CCDC12: variants seen among roughly 807,000 people sequenced by gnomAD.
CCDC12 encodes coiled-coil domain-containing protein 12.
A neutral mutation model predicts 25.7 loss-of-function variants in CCDC12; 28 were observed. That is an observed-to-expected ratio of 1.09 (90% confidence interval 0.81 to 1.50). The LOEUF is 1.50. Among genes scored for constraint, CCDC12 ranks in the 40% most tolerant of loss-of-function variants. CCDC12 has a pLI of 0.00. For synonymous variants in CCDC12, 75 were observed against 87.7 expected (o/e 0.86, Z 0.81); for missense variants, 198 against 210.0 (o/e 0.94, Z 0.35).
chr3:46,950,496 T>C (rs35211999), intron 1 of CCDC12, among the ~76,000 whole-genome samples: 2 of 149,202 alleles, frequency 1.3e-5, no homozygotes, highest in Non-Finnish European at 3.0e-5. Context: ...TTTTTTTTTT[T>C]GGGGTAGAGA....
chr3:46,939,369 G>A (rs1420450577), intron 2 of CCDC12, among the ~76,000 whole-genome samples: 8 of 151,976 alleles, frequency 5.3e-5, no homozygotes, highest in Admixed American at 4.6e-4. Flanking sequence ...GGGGAGGGGT[G>A]GGGATCAGAG....
intron 2 of CCDC12, among the ~76,000 whole-genome samples, chr3:46,928,397 T>C (rs192416322): frequency 2.3e-4 from 35 of 152,368 alleles, no homozygotes; most frequent in Admixed American, 9.1e-4. Context: ...TCTATTTACA[T>C]GCAGCAGCTG....
At chr3:46,963,452 C>T (rs1367062003) in intron 1 of CCDC12, among the ~76,000 whole-genome samples, 2 of 151,182 alleles carry the variant, frequency 1.3e-5, no homozygotes, top group Non-Finnish European at 2.9e-5. Flanking sequence ...TCTCCCTCTC[C>T]CTCTCCCACG....
chr3:46,943,135 G>C (rs1294335776), intron 1 of CCDC12, among the ~76,000 whole-genome samples: 1 of 152,150 alleles, frequency 6.6e-6, no homozygotes, highest in Non-Finnish European at 1.5e-5. Context: ...CAGATGCTTG[G>C]TGATGGCCAA....
At chr3:46,926,337 G>A (rs1403422200) in intron 2 of CCDC12, among the ~76,000 whole-genome samples, 2 of 152,334 alleles carry the variant, frequency 1.3e-5, no homozygotes, top group African/African-American at 4.8e-5. Context: ...GTGAAAATAG[G>A]CATGACCATG....
upstream of CCDC12, among the ~76,000 whole-genome samples, chr3:46,977,289 A>T (rs2035027110): frequency 6.6e-6 from 1 of 152,166 alleles, no homozygotes; most frequent in African/African-American, 2.4e-5. Flanking sequence ...CCTGGCCAAC[A>T]TGGTGAAACT....
At chr3:46,928,305 T>C (rs1437569128) in intron 2 of CCDC12, among the ~76,000 whole-genome samples, 1 of 152,128 alleles carries the variant, frequency 6.6e-6, no homozygotes, top group African/African-American at 2.4e-5. Flanking sequence ...ACAGCAAGGA[T>C]TTCAGGGGCT....
chr3:46,976,558 G>A (rs575030620), intron 1 of CCDC12, 79 bp downstream of exon 1: 3 of 1,530,766 alleles, frequency 2.0e-6, no homozygotes, highest in Non-Finnish European at 2.6e-6. Flanking sequence ...TTCCTTATTA[G>A]CCCTTTGCTC....
intron 2 of CCDC12, among the ~76,000 whole-genome samples, chr3:46,936,990 A>G (rs563859199): frequency 4.5e-4 from 68 of 152,316 alleles, no homozygotes; most frequent in South Asian, 3.7e-3. Context: ...ACTAGGGAAC[A>G]AGAGGAAGAG....
At chr3:46,926,177 C>T (rs571923700) in intron 2 of CCDC12, among the ~76,000 whole-genome samples, 3 of 152,266 alleles carry the variant, frequency 2.0e-5, no homozygotes, top group South Asian at 2.1e-4. Context: ...TCCAGAGGGG[C>T]GTGGCTGCCT....
rs2033677514 is a variant in CCDC12, at chr3:46,940,992, C to T, written c.164+6G>A. The T allele has an allele frequency of 1.2e-6, 2 of 1,613,872 alleles. No homozygotes were observed. Among genetic ancestry groups the T allele is most frequent in the African/African-American group, 2.7e-5 (2 of 75,060 alleles). ...AGCAGACCCTGGAGCTGCACACGGG[C>T]ATTACCTGTGCTTCTCGCCTTCTTC... On this transcript the variant is annotated splice_donor_region_variant and intron_variant, in intron 2 of 6. Transcript: ENST00000683445.
chr3:46,939,732 G>A (rs772948980), intron 2 of CCDC12, among the ~76,000 whole-genome samples: 1 of 152,270 alleles, frequency 6.6e-6, no homozygotes, highest in South Asian at 2.1e-4. Flanking sequence ...CCGAGTAGGG[G>A]GCATGGACTC....
intron 2 of CCDC12, among the ~76,000 whole-genome samples, chr3:46,932,465 A>G (rs2033269064): frequency 6.6e-6 from 1 of 152,188 alleles, no homozygotes; most frequent in Non-Finnish European, 1.5e-5. Flanking sequence ...GGCAGAGGAG[A>G]CTGTCCTCCA....
chr3:46,963,712 C>T (rs1328401334), intron 1 of CCDC12, among the ~76,000 whole-genome samples: 4 of 152,278 alleles, frequency 2.6e-5, no homozygotes, highest in Non-Finnish European at 4.4e-5. Context: ...CCAGCCTCGG[C>T]CTCCCGAGGT....
intron 1 of CCDC12, among the ~76,000 whole-genome samples, chr3:46,952,066 CA>C (rs2034148342): frequency 6.6e-6 from 1 of 151,688 alleles, no homozygotes; most frequent in Non-Finnish European, 1.5e-5. Flanking sequence ...ATAACCATCC[CA>C]GACATATGAT....
At chr3:46,960,153 T>C (rs1236824762) in intron 1 of CCDC12, among the ~76,000 whole-genome samples, 2 of 152,132 alleles carry the variant, frequency 1.3e-5, no homozygotes, top group Non-Finnish European at 2.9e-5. Flanking sequence ...CAGATCAGCC[T>C]TCCCACAGGG....
chr3:46,958,792 C>T (rs922299190), intron 1 of CCDC12, among the ~76,000 whole-genome samples: 42 of 152,160 alleles, frequency 2.8e-4, no homozygotes, highest in African/African-American at 9.2e-4. Context: ...ACCACAAAGG[C>T]CAGTCACTGA....
chr3:46,959,241 T>C (rs1265697582), intron 1 of CCDC12, among the ~76,000 whole-genome samples: 1 of 152,138 alleles, frequency 6.6e-6, no homozygotes, highest in Non-Finnish European at 1.5e-5. Context: ...GCTCAGCATA[T>C]GGAAAGGTTG....
rs770211597 is a variant in CCDC12, at chr3:46,923,524, TG to T, written c.306+82del. 6 of 1,481,058 alleles carry T rather than the reference TG, an allele frequency of 4.1e-6. No individual in the cohort carries two copies. The Admixed American group carries it at 9.6e-5, about 24-fold the overall frequency. The allele number at this position is 1,481,058 out of a possible 1,614,324, so 91.7% of individuals were successfully genotyped here. A position where few individuals can be genotyped will look rare whatever the true frequency, so the allele number is the denominator to read the frequency against. On this transcript the variant is annotated intron_variant, in intron 4 of 6. Coordinates refer to ENST00000683445, the MANE Select transcript of CCDC12 (RefSeq NM_001277074.2). ...GGAATAAAGAAGTGACGAGAAGGAA[TG>T]GGGGGCAGAGGGAGAGCAAGTGGCG...
Sources: allele counts gnomAD v4.1 joint callset (sites outside exome capture counted in the v4.1 genomes callset), GRCh38; gene constraint gnomAD v4.1.1; transcripts MANE v1.5; gene names NCBI Gene and HGNC (gene_info 2026-07-23, HGNC 2026-07-21).